Variants in PLEKHH2 observed in about 807,000 individuals in gnomAD.
PLEKHH2 encodes pleckstrin homology domain-containing family H member 2.
A neutral mutation model predicts 187.9 loss-of-function variants in PLEKHH2; 129 were observed. The observed-to-expected ratio is 0.69, with a 90% CI of 0.59 to 0.79. The LOEUF is 0.79. Among genes scored for constraint, PLEKHH2 ranks in the 30% least tolerant of loss-of-function variants. The probability of loss-of-function intolerance (pLI) is 0.00; values close to 1 mark genes in which losing one functional copy is unlikely to be tolerated. For missense variants in PLEKHH2, 2,076 were observed against 1,751.2 expected (o/e 1.19, Z -3.31); for synonymous variants, 686 against 605.6 (o/e 1.13, Z -1.95).
At chr2:43,750,667 C>T (rs751485649) in intron 24 of PLEKHH2, among the ~76,000 whole-genome samples, 3 of 152,184 alleles carry the variant, frequency 2.0e-5, no homozygotes, top group Non-Finnish European at 4.4e-5. Flanking sequence ...ATTATTATTT[C>T]CATCTCACAG....
At chr2:43,686,394 A>G (rs1237229643) in intron 3 of PLEKHH2, among the ~76,000 whole-genome samples, 1 of 152,114 alleles carries the variant, frequency 6.6e-6, no homozygotes, top group Admixed American at 6.5e-5. Flanking sequence ...ACGGTGTTTC[A>G]TCATGTTGGT....
At chr2:43,639,995 A>G (rs1383137063) in intron 1 of PLEKHH2, among the ~76,000 whole-genome samples, 1 of 152,044 alleles carries the variant, frequency 6.6e-6, no homozygotes, top group African/African-American at 2.4e-5. Context: ...GATGGTGGAC[A>G]CAGGCTGTTT....
At chr2:43,701,144 T>C (rs539125259) in intron 8 of PLEKHH2, among the ~76,000 whole-genome samples, 1 of 152,342 alleles carries the variant, frequency 6.6e-6, no homozygotes, top group East Asian at 1.9e-4. Context: ...AGCTTTCTAA[T>C]ACTGAACTTT....
chr2:43,744,422 G>A lies in PLEKHH2; in HGVS notation c.3555+433G>A, dbSNP rs149629685. On this transcript the variant is annotated intron_variant, in intron 23 of 29. Transcript: ENST00000282406. ...CACAGTGAACTTAAAATTTGCTTAC[G>A]GAAGAGCAGCTTTATACACAGATAA... Among the ~76,000 whole-genome samples the A allele has an allele frequency of 1.8e-4, 27 of 152,298 alleles. No individual in the cohort carries two copies. The East Asian group carries it at 4.0e-3, about 23-fold the overall frequency.
chr2:43,755,581 T>C (rs1451014233), intron 25 of PLEKHH2, among the ~76,000 whole-genome samples: 2 of 152,120 alleles, frequency 1.3e-5, no homozygotes, highest in African/African-American at 2.4e-5. Context: ...CTTAAGACAG[T>C]AATTTGGGCA....
At chr2:43,727,789 C>T (rs1419483105) in intron 17 of PLEKHH2, among the ~76,000 whole-genome samples, 2 of 152,106 alleles carry the variant, frequency 1.3e-5, no homozygotes, top group African/African-American at 4.8e-5. Context: ...TGATATTAGA[C>T]CCCTATCTCT....
At chr2:43,703,919 T>C in intron 8 of PLEKHH2, 62 bp from the exon 9 acceptor site, 2 of 73,942 alleles carry the variant, frequency 2.7e-5, no homozygotes, top group Non-Finnish European at 5.3e-5. Flanking sequence ...AAGTAGTCTT[T>C]TTTTTTTTTT....
At chr2:43,691,875 A>C (rs1668814567) in intron 3 of PLEKHH2, among the ~76,000 whole-genome samples, 1 of 152,116 alleles carries the variant, frequency 6.6e-6, no homozygotes. Flanking sequence ...TTATTTGCTG[A>C]TGCTTTCTCA....
intron 2 of PLEKHH2, chr2:43,675,933 C>A: frequency 6.2e-7 from 1 of 1,613,994 alleles, no homozygotes; most frequent in South Asian, 1.1e-5. Context: ...TGTCACCATA[C>A]TTTTCAAAGA....
intron 25 of PLEKHH2, among the ~76,000 whole-genome samples, chr2:43,754,965 C>T (rs575788271): frequency 3.2e-4 from 49 of 151,342 alleles, no homozygotes; most frequent in Admixed American, 5.9e-4. Flanking sequence ...CCCCACCTCC[C>T]GGGTTCAAGC....
At chr2:43,670,531 C>T (rs1227301171) in intron 2 of PLEKHH2, among the ~76,000 whole-genome samples, 1 of 151,998 alleles carries the variant, frequency 6.6e-6, no homozygotes, top group African/African-American at 2.4e-5. Flanking sequence ...TTGTTCTATT[C>T]ATCTAATATG....
intron 27 of PLEKHH2, 94 bp from the exon 28 acceptor site, chr2:43,762,210 T>C (rs1672456024): frequency 2.1e-6 from 2 of 967,466 alleles, no homozygotes; most frequent in Admixed American, 2.0e-5. Flanking sequence ...ATTATTGTTG[T>C]TTAATGGCAA....
At chr2:43,744,081 C>G (rs1369233853) in intron 23 of PLEKHH2, 92 bp downstream of exon 23, 2 of 1,490,586 alleles carry the variant, frequency 1.3e-6, no homozygotes, top group South Asian at 1.4e-5. Context: ...AAGTTTAATT[C>G]AGGAGTTTTC....
chr2:43,655,940 T>A (rs1056671902), intron 2 of PLEKHH2, among the ~76,000 whole-genome samples: 1 of 151,528 alleles, frequency 6.6e-6, no homozygotes, highest in Non-Finnish European at 1.5e-5. Context: ...TCATCATCTA[T>A]TTAATCTGGA....
intron 17 of PLEKHH2, among the ~76,000 whole-genome samples, chr2:43,729,144 T>C (rs990836816): frequency 6.6e-6 from 1 of 152,194 alleles, no homozygotes; most frequent in Non-Finnish European, 1.5e-5. Flanking sequence ...TATCCTCTAC[T>C]TTCAGAATAA....
chr2:43,762,393 A>G lies in PLEKHH2; in HGVS notation c.4158+3A>G, dbSNP rs1158736402. ...GCCTCTTAGAATACAACTCCATGGT[A>G]AGTTTAAACGCTCAAGTTTTGCATT... On this transcript the variant is annotated splice_donor_region_variant and intron_variant, in intron 28 of 29. Coordinates refer to ENST00000282406, the MANE Select transcript of PLEKHH2 (RefSeq NM_172069.4). 1 of 1,597,478 alleles carries G rather than the reference A, an allele frequency of 6.3e-7. No individual in the cohort carries two copies. Among genetic ancestry groups the G allele is most frequent in the Admixed American group, 1.7e-5 (1 of 59,982 alleles).
chr2:43,709,543 A>G (rs1014798619), intron 11 of PLEKHH2, among the ~76,000 whole-genome samples: 1 of 152,172 alleles, frequency 6.6e-6, no homozygotes, highest in Non-Finnish European at 1.5e-5. Context: ...AGAGATTTAC[A>G]TGACAGTCCC....
intron 2 of PLEKHH2, among the ~76,000 whole-genome samples, chr2:43,659,307 A>ACTGGTTT (rs1666949848): frequency 6.7e-6 from 1 of 150,100 alleles, no homozygotes; most frequent in African/African-American, 2.5e-5. Context: ...AAGACTTTAA[A>ACTGGTTT]CTGGTTTATT....
chr2:43,717,918 T>C (rs1384082706), intron 15 of PLEKHH2, among the ~76,000 whole-genome samples: 1 of 152,202 alleles, frequency 6.6e-6, no homozygotes, highest in Non-Finnish European at 1.5e-5. Context: ...GCTATTATCA[T>C]CCAAGAGTTT....
Sources: gnomAD v4.1 joint callset for allele counts (sites outside exome capture counted in the v4.1 genomes callset) on GRCh38, gnomAD v4.1.1 for gene constraint, MANE v1.5 for transcripts, NCBI Gene and HGNC (gene_info 2026-07-23, HGNC 2026-07-21) for gene names.